Variants in ELK3 observed in about 807,000 individuals in gnomAD.
ELK3 encodes ETS domain-containing protein Elk-3.
ELK3 carries 10 observed loss-of-function variants against 28.9 expected under a neutral mutation model. The ratio of observed to expected loss-of-function variants is 0.35; its 90% CI spans 0.21 to 0.59. The LOEUF (loss-of-function observed/expected upper bound fraction) is 0.59, where lower values mean the gene tolerates loss of function less well. ELK3 is among the 20% of genes least tolerant of loss of function. The pLI, the probability that ELK3 is intolerant of heterozygous loss-of-function variation, is 0.82. For missense variants in ELK3, 463 were observed against 517.3 expected (o/e 0.90, Z 1.02); for synonymous variants, 272 against 243.5 (o/e 1.12, Z -1.09).
At chr12:96,226,631 C>T (rs777791379) in intron 2 of ELK3, among the ~76,000 whole-genome samples, 4 of 152,256 alleles carry the variant, frequency 2.6e-5, no homozygotes, top group Non-Finnish European at 5.9e-5. Context: ...CAGGCACACA[C>T]ACCCACTTGC....
chr12:96,209,023 A>G (rs1303551832), intron 1 of ELK3, among the ~76,000 whole-genome samples: 4 of 152,208 alleles, frequency 2.6e-5, no homozygotes, highest in Non-Finnish European at 5.9e-5. Flanking sequence ...GTGATGTCAC[A>G]GCCCACACCT....
intron 2 of ELK3, among the ~76,000 whole-genome samples, chr12:96,230,072 C>T (rs188420540): frequency 2.2e-4 from 34 of 152,286 alleles, no homozygotes; most frequent in African/African-American, 6.3e-4. Context: ...TATATAACAG[C>T]GGTCCCATAA....
intron 2 of ELK3, among the ~76,000 whole-genome samples, chr12:96,241,257 C>A (rs552640017): frequency 6.6e-6 from 1 of 152,258 alleles, no homozygotes; most frequent in African/African-American, 2.4e-5. Flanking sequence ...AAATATAATC[C>A]TAATAACATC....
At chr12:96,222,492 C>A (rs749968273) in intron 1 of ELK3, among the ~76,000 whole-genome samples, 1 of 152,104 alleles carries the variant, frequency 6.6e-6, no homozygotes, top group Non-Finnish European at 1.5e-5. Context: ...TGGTGAGTGC[C>A]GGGAAAGGGA....
Position 96,268,288 on chromosome 12 carries a change from A to G in ELK3, c.*1108A>G, listed in dbSNP as rs1952056766. 1 of 152,210 alleles carries G rather than the reference A, an allele frequency of 6.6e-6. No individual in the cohort carries two copies. Among genetic ancestry groups the G allele is most frequent in the South Asian group, 2.1e-4 (1 of 4,838 alleles). 9.4% of individuals were successfully genotyped at this position (152,210 alleles called of 1,614,324 possible). On this transcript the variant is annotated 3_prime_UTR_variant, in exon 5 of 5. Coordinates refer to ENST00000228741, the MANE Select transcript of ELK3 (RefSeq NM_005230.4). ...AATACAAATAGAGAGTGGAGGTACT[A>G]AAGGCCTTGCTTGTGGAAACTGAGA...
intron 1 of ELK3, 106 bp from the exon 2 acceptor site, chr12:96,223,459 G>C (rs187817354): frequency 7.7e-6 from 8 of 1,039,040 alleles, no homozygotes; most frequent in Non-Finnish European, 1.2e-5. Context: ...GTTCACTGGG[G>C]GAAGGAGGGG....
At position 96,267,244 on chromosome 12, in the gene ELK3, TTACC is replaced by T. The variant is rs1276168704; in HGVS notation, c.*66_*69del. 1.4e-6 allele frequency: 2 copies of T among 1,425,738 alleles called. No homozygotes were observed. The highest frequency in any genetic ancestry group is 2.8e-5 in the African/African-American group (2 of 70,734). The allele number at this position is 1,425,738 out of a possible 1,614,324, so 88.3% of individuals were successfully genotyped here. On this transcript the variant is annotated 3_prime_UTR_variant, in exon 5 of 5. Transcript: ENST00000228741. ...AACAAATTTGTCCCCACGGGCTAGT[TTACC>T]TGTGTCGTGAGAAGGACATTGTGAA... is the stretch of plus-strand genomic sequence containing the variant.
rs190942192 is a variant in ELK3, at chr12:96,221,406, C to T, written c.-2-2159C>T. Among the ~76,000 whole-genome samples, 463 of 152,254 alleles carry T rather than the reference C, an allele frequency of 3.0e-3. 5 individuals carry two copies. The highest frequency in any genetic ancestry group is 0.011 in the African/African-American group (448 of 41,540). On this transcript the variant is annotated intron_variant, in intron 1 of 4. Coordinates refer to ENST00000228741, the MANE Select transcript of ELK3 (RefSeq NM_005230.4). Reference sequence around the variant, plus strand: ...GTTAAAAGTGGGGGGTGGCGGTGGCCGACCACTTTCCCACCTGGCATGTGA... The same window carrying T: ...GTTAAAAGTGGGGGGTGGCGGTGGCTGACCACTTTCCCACCTGGCATGTGA...
intron 3 of ELK3, among the ~76,000 whole-genome samples, chr12:96,249,704 A>G (rs907074492): frequency 9.5e-4 from 7 of 7,354 alleles, no homozygotes; most frequent in Non-Finnish European, 2.5e-3. Flanking sequence ...CTCAGAACAG[A>G]GTGAGGCAGA....
Position 96,259,699 on chromosome 12 carries a change from A to G in ELK3, c.1003-32A>G, listed in dbSNP as rs759704110. The stretch of plus-strand genomic sequence containing the variant: ...ATCATGGCCCAAGTCAGGTGAACCT[A>G]TATGAAGAAGTCTGTTTGCTTTACT... On this transcript the variant is annotated intron_variant, in intron 3 of 4. Coordinates refer to ENST00000228741, the MANE Select transcript of ELK3 (RefSeq NM_005230.4). 1.7e-5 allele frequency: 27 copies of G among 1,594,946 alleles called. No individual in the cohort carries two copies. The South Asian group carries it at 2.7e-4, about 16-fold the overall frequency.
At chr12:96,195,048 C>CT (rs936924942) in intron 1 of ELK3, among the ~76,000 whole-genome samples, 31 of 151,950 alleles carry the variant, frequency 2.0e-4, no homozygotes, top group African/African-American at 7.0e-4. Context: ...GGAGCTCGCC[C>CT]AGGGCCCCGC....
chr12:96,245,033 G>A (rs938448829), intron 2 of ELK3, among the ~76,000 whole-genome samples: 11 of 152,198 alleles, frequency 7.2e-5, no homozygotes, highest in African/African-American at 2.4e-4. Context: ...AGGTGGCCGC[G>A]GCCACTGGAA....
intron 1 of ELK3, among the ~76,000 whole-genome samples, chr12:96,210,559 GCGCA>G (rs896027912): frequency 3.3e-4 from 47 of 143,142 alleles, no homozygotes; most frequent in African/African-American, 4.9e-4. Context: ...CTGCGCGCGG[GCGCA>G]CGCACACACA....
At chr12:96,207,846 G>A (rs918456283) in intron 1 of ELK3, among the ~76,000 whole-genome samples, 2 of 152,198 alleles carry the variant, frequency 1.3e-5, no homozygotes, top group Non-Finnish European at 2.9e-5. Flanking sequence ...TTAACCCTTT[G>A]TATAATAAAT....
chr12:96,235,115 C>T (rs981517550), intron 2 of ELK3, among the ~76,000 whole-genome samples: 16 of 152,072 alleles, frequency 1.1e-4, no homozygotes, highest in Admixed American at 1.0e-3. Flanking sequence ...TGCGTGTGCG[C>T]CTCCCAGCTC....
At chr12:96,235,549 G>A (rs529751519) in intron 2 of ELK3, among the ~76,000 whole-genome samples, 1 of 152,298 alleles carries the variant, frequency 6.6e-6, no homozygotes. Context: ...TCACTCAAGA[G>A]AGGATCCAAG....
intron 4 of ELK3, among the ~76,000 whole-genome samples, chr12:96,266,034 CAG>C (rs991159021): frequency 3.3e-5 from 5 of 152,144 alleles, no homozygotes; most frequent in Admixed American, 6.5e-5. Context: ...CTTTAGCCAA[CAG>C]AACTTATTTG....
rs1565796756 is a variant in ELK3, at chr12:96,269,651, T to A, written c.*2471T>A. On this transcript the variant is annotated 3_prime_UTR_variant, in exon 5 of 5. Transcript: ENST00000228741. Reference sequence around the variant, plus strand: ...AGAACATTAATGACTTTCTTTTCCCTTTTATGTCTGCTTAATCAGTGTTAA... The same window carrying A: ...AGAACATTAATGACTTTCTTTTCCCATTTATGTCTGCTTAATCAGTGTTAA... 1 of 152,206 alleles carries A rather than the reference T, an allele frequency of 6.6e-6. No homozygotes were observed. The highest frequency in any genetic ancestry group is 1.9e-4 in the East Asian group (1 of 5,196). 9.4% of individuals were successfully genotyped at this position (152,206 alleles called of 1,614,324 possible).
At chr12:96,196,132 C>G (rs1316091503) in intron 1 of ELK3, among the ~76,000 whole-genome samples, 23 of 152,222 alleles carry the variant, frequency 1.5e-4, no homozygotes, top group Admixed American at 1.5e-3. Flanking sequence ...ACCAACTAAT[C>G]TCATTAGGAG....
Sources: allele counts gnomAD v4.1 joint callset (sites outside exome capture counted in the v4.1 genomes callset), GRCh38; gene constraint gnomAD v4.1.1; transcripts MANE v1.5; gene names NCBI Gene and HGNC (gene_info 2026-07-23, HGNC 2026-07-21).